The following CDH13 variants were observed in gnomAD, a reference collection of about 807,000 sequenced individuals.
The protein encoded by CDH13 is cadherin-13.
A neutral mutation model predicts 63.8 loss-of-function variants in CDH13; 24 were observed. The ratio of observed to expected loss-of-function variants is 0.38; its 90% CI spans 0.27 to 0.53. CDH13 has a LOEUF of 0.53. CDH13 is among the 20% of genes least tolerant of loss of function. The probability of loss-of-function intolerance (pLI) is 0.85; values close to 1 mark genes in which losing one functional copy is unlikely to be tolerated. For synonymous variants in CDH13, 503 were observed against 355.3 expected (o/e 1.42, Z -4.67); for missense variants, 1,049 against 903.1 (o/e 1.16, Z -2.07).
intron 13 of CDH13, among the ~76,000 whole-genome samples, chr16:83,792,167 G>A (rs1029855233): frequency 6.6e-6 from 1 of 152,216 alleles, no homozygotes; most frequent in East Asian, 1.9e-4. Context: ...AGAGTGGGCT[G>A]TCTTCGGCCT....
At chr16:83,069,020 A>G (rs950825924) in intron 3 of CDH13, among the ~76,000 whole-genome samples, 1 of 152,224 alleles carries the variant, frequency 6.6e-6, no homozygotes. Flanking sequence ...TTGTCTGGAT[A>G]TCCCAGAACA....
intron 1 of CDH13, among the ~76,000 whole-genome samples, chr16:82,834,242 C>A (rs2038668980): frequency 6.6e-6 from 1 of 152,146 alleles, no homozygotes; most frequent in Non-Finnish European, 1.5e-5. Context: ...ACGCCTTGTG[C>A]ATGAAAAGCA....
intron 8 of CDH13, among the ~76,000 whole-genome samples, chr16:83,614,596 A>C (rs1909131017): frequency 6.6e-6 from 1 of 152,180 alleles, no homozygotes; most frequent in South Asian, 2.1e-4. Flanking sequence ...TGGCTGCCTT[A>C]CCAGCTCTTC....
chr16:82,824,317 A>AG (rs1242170384), intron 1 of CDH13: 4 of 152,124 alleles, frequency 2.6e-5, no homozygotes, highest in Non-Finnish European at 5.9e-5. Flanking sequence ...AAGGAAAAAA[A>AG]AACATAAACA....
At chr16:83,524,873 G>A (rs1195985551) in intron 7 of CDH13, among the ~76,000 whole-genome samples, 2 of 152,074 alleles carry the variant, frequency 1.3e-5, no homozygotes, top group Non-Finnish European at 2.9e-5. Flanking sequence ...AAAGCCACAG[G>A]GATCAGAGAA....
rs1000851252 is a variant in CDH13, at chr16:82,644,316, C to T, written c.45+17179C>T. On this transcript the variant is annotated intron_variant, in intron 1 of 13. Transcript: ENST00000567109. This position sits in a 1 kb window ranked among gnomAD's most constrained non-coding sequence, Gnocchi z 5.7. ...CATCACTCTGCAAATCAAGGCCCCC[C>T]GAACTCCTCCCACCCCTGCCTTCTG... is the stretch of plus-strand genomic sequence containing the variant. Among the ~76,000 whole-genome samples, 5 of 152,094 alleles carry T rather than the reference C, an allele frequency of 3.3e-5. No homozygotes were observed. Among genetic ancestry groups the T allele is most frequent in the Admixed American group, 1.3e-4 (2 of 15,282 alleles).
chr16:83,503,253 A>G (rs565572255), intron 7 of CDH13, among the ~76,000 whole-genome samples: 83 of 152,346 alleles, frequency 5.4e-4, no homozygotes, highest in Middle Eastern at 3.4e-3. Context: ...TAGAACTCCT[A>G]AGAAATACAG....
At chr16:82,762,465 A>G (rs956799052) in intron 1 of CDH13, among the ~76,000 whole-genome samples, 10 of 152,238 alleles carry the variant, frequency 6.6e-5, no homozygotes, top group African/African-American at 2.2e-4. Flanking sequence ...TAGAAAATGT[A>G]TGTGAGAGGA....
Position 82,860,391 on chromosome 16 carries a change from G to T in CDH13, c.157+1918G>T, listed in dbSNP as rs1038386181. ...ATCACAGTTGTGTGTGTGTGTGTGG[G>T]GGGGGGGGCGGCGGTGTGCGTGTGT... On this transcript the variant is annotated intron_variant, in intron 2 of 13. Transcript: ENST00000567109. Among the ~76,000 whole-genome samples, 61 of 85,950 alleles carry T rather than the reference G, an allele frequency of 7.1e-4. 5 individuals carry two copies. Among genetic ancestry groups the T allele is most frequent in the African/African-American group, 2.1e-3 (44 of 20,916 alleles). 56.4% of individuals were successfully genotyped at this position (85,950 alleles called of 152,430 possible). A position where few individuals can be genotyped will look rare whatever the true frequency, so the allele number is the denominator to read the frequency against.
At chr16:83,612,862 T>C (rs1050819208) in intron 8 of CDH13, among the ~76,000 whole-genome samples, 2 of 152,174 alleles carry the variant, frequency 1.3e-5, no homozygotes, top group African/African-American at 2.4e-5. Flanking sequence ...TGTATCAGTT[T>C]ATGTTTTTCT....
In CDH13 at chr16:83,344,846, C is replaced by T; in HGVS notation, c.637-16C>T. 3.1e-6 allele frequency: 5 copies of T among 1,613,044 alleles called. No homozygotes were observed. Among genetic ancestry groups the T allele is most frequent in the Non-Finnish European group, 4.2e-6 (5 of 1,179,146 alleles). Reference sequence around the variant, plus strand: ...ATTAATATCTTCTTTCTCCCCCAATCTCTTTGCTCAAATAGCTATTTGTGG... The same window carrying T: ...ATTAATATCTTCTTTCTCCCCCAATTTCTTTGCTCAAATAGCTATTTGTGG... On this transcript the variant is annotated splice_polypyrimidine_tract_variant and intron_variant, in intron 5 of 13. Transcript: ENST00000567109.
At position 83,315,156 on chromosome 16, in the gene CDH13, G is replaced by A. The variant is rs1045993735; in HGVS notation, c.637-29706G>A. ...CTGTCTGTGTATGATGCTTATAATT[G>A]TGATCATCATTTATCCTAAGCTCAT... On this transcript the variant is annotated intron_variant, in intron 5 of 13. Coordinates refer to ENST00000567109, the MANE Select transcript of CDH13 (RefSeq NM_001257.5). Among the ~76,000 whole-genome samples the A allele has an allele frequency of 3.3e-5, 5 of 152,184 alleles. No individual in the cohort carries two copies. The South Asian group carries it at 6.2e-4, about 19-fold the overall frequency.
chr16:83,315,978 A>C (rs918259567), intron 5 of CDH13, among the ~76,000 whole-genome samples: 1 of 152,232 alleles, frequency 6.6e-6, no homozygotes, highest in Non-Finnish European at 1.5e-5. Flanking sequence ...TGGGTAATTT[A>C]TAAAGGAAAG....
intron 5 of CDH13, among the ~76,000 whole-genome samples, chr16:83,287,286 CT>C (rs1301043510): frequency 1.3e-5 from 2 of 152,208 alleles, no homozygotes; most frequent in African/African-American, 4.8e-5. Context: ...GGGACCAAAA[CT>C]TTCATTCAGT....
chr16:83,420,092 G>C (rs184763390), intron 6 of CDH13, among the ~76,000 whole-genome samples: 109 of 152,114 alleles, frequency 7.2e-4, no homozygotes, highest in Non-Finnish European at 1.3e-3. Flanking sequence ...GAAAAGATGA[G>C]CAGAATAAAA....
chr16:83,772,961 C>A (rs1363497995), intron 11 of CDH13: 5 of 152,184 alleles, frequency 3.3e-5, no homozygotes, highest in Admixed American at 2.6e-4. Context: ...CTGAAACAAA[C>A]AATGGGACGA....
At chr16:83,542,098 A>G (rs749070121) in intron 7 of CDH13, among the ~76,000 whole-genome samples, 1 of 152,214 alleles carries the variant, frequency 6.6e-6, no homozygotes, top group African/African-American at 2.4e-5. Flanking sequence ...GCAGAGCCTC[A>G]GGCCTCATGC....
At chr16:83,496,917 T>C (rs1193463048) in intron 7 of CDH13, among the ~76,000 whole-genome samples, 8 of 152,042 alleles carry the variant, frequency 5.3e-5, no homozygotes, top group African/African-American at 1.7e-4. Context: ...AAAATGCTCA[T>C]CATCACTGGC....
At chr16:83,685,484 C>G (rs1484281096) in intron 10 of CDH13, among the ~76,000 whole-genome samples, 2 of 152,136 alleles carry the variant, frequency 1.3e-5, no homozygotes, top group Non-Finnish European at 2.9e-5. Flanking sequence ...TTCATTCATT[C>G]ATGCCATGGT....
Sources: allele counts gnomAD v4.1 joint callset (sites outside exome capture counted in the v4.1 genomes callset), GRCh38; gene constraint gnomAD v4.1.1; non-coding constraint Gnocchi (gnomAD v3.1); transcripts MANE v1.5; gene names NCBI Gene and HGNC (gene_info 2026-07-23, HGNC 2026-07-21).